SPAG16: variants seen among roughly 807,000 people sequenced by gnomAD.
SPAG16 encodes sperm-associated antigen 16 protein.
A neutral mutation model predicts 80.4 loss-of-function variants in SPAG16; 86 were observed. That is an observed-to-expected ratio of 1.07 (90% confidence interval 0.90 to 1.28). The LOEUF is 1.28. SPAG16 is among the 50% of genes most tolerant of loss of function. SPAG16 has a pLI of 0.00. For missense variants in SPAG16, 870 were observed against 765.3 expected, an observed-to-expected ratio of 1.14 and a Z score of -1.61; for synonymous variants, 294 against 265.9, an observed-to-expected ratio of 1.11 and a Z score of -1.03.
chr2:213,500,351 C>G (rs1440568497), intron 10 of SPAG16, among the ~76,000 whole-genome samples: 1 of 152,062 alleles, frequency 6.6e-6, no homozygotes, highest in Non-Finnish European at 1.5e-5. Context: ...AATCTCCTCC[C>G]TTTTTCAATA....
At chr2:214,405,641 C>CA (rs1196895128) in intron 15 of SPAG16, among the ~76,000 whole-genome samples, 3 of 151,950 alleles carry the variant, frequency 2.0e-5, no homozygotes, top group Admixed American at 6.6e-5. Flanking sequence ...ACTAAAAATA[C>CA]AAAAAATTAG....
intron 12 of SPAG16, among the ~76,000 whole-genome samples, chr2:213,990,996 A>T (rs1000007459): frequency 2.7e-5 from 4 of 150,806 alleles, no homozygotes; most frequent in Non-Finnish European, 4.4e-5. Flanking sequence ...AAATCCACTT[A>T]TTTTTTTTTC....
chr2:214,248,017 C>T (rs1357441550), intron 15 of SPAG16, among the ~76,000 whole-genome samples: 1 of 151,710 alleles, frequency 6.6e-6, no homozygotes, highest in Admixed American at 6.6e-5. Context: ...AACAGCAAGT[C>T]CGTGTCTCAA....
intron 15 of SPAG16, among the ~76,000 whole-genome samples, chr2:214,203,936 A>G (rs77537682): frequency 1.3e-5 from 2 of 152,050 alleles, no homozygotes; most frequent in South Asian, 4.1e-4. Flanking sequence ...TGTTGGAGCA[A>G]GTTCTCAGCT....
intron 10 of SPAG16, among the ~76,000 whole-genome samples, chr2:213,718,550 G>A (rs1210061225): frequency 2.0e-5 from 3 of 152,208 alleles, no homozygotes; most frequent in Non-Finnish European, 2.9e-5. Context: ...CTGGAGTTCC[G>A]GGTGGGCGTG....
At chr2:214,078,374 G>T (rs913131305) in intron 13 of SPAG16, among the ~76,000 whole-genome samples, 2 of 151,908 alleles carry the variant, frequency 1.3e-5, no homozygotes, top group Non-Finnish European at 2.9e-5. Flanking sequence ...ACAACATAGT[G>T]AAACCCCATA....
At chr2:213,747,492 GT>G (rs2067880216) in intron 10 of SPAG16, among the ~76,000 whole-genome samples, 1 of 152,168 alleles carries the variant, frequency 6.6e-6, no homozygotes, top group African/African-American at 2.4e-5. Flanking sequence ...TTGCAGTCCT[GT>G]AGGCACCATT....
intron 12 of SPAG16, among the ~76,000 whole-genome samples, chr2:213,999,787 G>A (rs1356702178): frequency 6.6e-6 from 1 of 152,234 alleles, no homozygotes; most frequent in Non-Finnish European, 1.5e-5. Flanking sequence ...ACCTGGATGT[G>A]AGACTTGGAG....
chr2:213,815,462 T>G (rs2125678698), intron 10 of SPAG16, among the ~76,000 whole-genome samples: 1 of 152,322 alleles, frequency 6.6e-6, no homozygotes, highest in East Asian at 1.9e-4. Flanking sequence ...TGAATTTTGT[T>G]CAGGTAAATT....
At chr2:213,470,598 G>T (rs2073024568) in intron 9 of SPAG16, among the ~76,000 whole-genome samples, 1 of 152,144 alleles carries the variant, frequency 6.6e-6, no homozygotes, top group South Asian at 2.1e-4. Flanking sequence ...GGCAAATTGG[G>T]CACTCAGCAG....
At chr2:214,208,991 A>G (rs72944062) in intron 15 of SPAG16, among the ~76,000 whole-genome samples, 1 of 151,950 alleles carries the variant, frequency 6.6e-6, no homozygotes, top group South Asian at 2.1e-4. Context: ...CTTGAACCCA[A>G]TTGCTCTGTT....
At chr2:213,932,365 GCCA>G (rs562364018) in intron 12 of SPAG16, among the ~76,000 whole-genome samples, 21 of 151,414 alleles carry the variant, frequency 1.4e-4, no homozygotes, top group Non-Finnish European at 2.8e-4. Flanking sequence ...ATAGGCACGT[GCCA>G]CCACACCTGG....
At chr2:213,959,718 A>G (rs1019966699) in intron 12 of SPAG16, among the ~76,000 whole-genome samples, 1 of 152,082 alleles carries the variant, frequency 6.6e-6, no homozygotes, top group South Asian at 2.1e-4. Context: ...TCAGCCTCCC[A>G]TCAGTACCTG....
At chr2:213,335,567 CTTATG>C (rs753688096) in intron 5 of SPAG16, among the ~76,000 whole-genome samples, 6 of 143,852 alleles carry the variant, frequency 4.2e-5, no homozygotes, top group Non-Finnish European at 8.0e-5. Flanking sequence ...ATGTTGTCAG[CTTATG>C]TTATTTGTCA....
chr2:213,986,383 T>G (rs895730905), intron 12 of SPAG16, among the ~76,000 whole-genome samples: 7 of 152,070 alleles, frequency 4.6e-5, no homozygotes. Flanking sequence ...AACTATTCAA[T>G]TCTCTCTTAT....
Position 214,284,230 on chromosome 2 carries a change from T to C in SPAG16, c.1721-125910T>C, listed in dbSNP as rs573235219. Among the ~76,000 whole-genome samples the C allele has an allele frequency of 5.3e-5, 8 of 152,344 alleles. No homozygotes were observed. The South Asian group carries it at 1.7e-3, about 32-fold the overall frequency. On this transcript the variant is annotated intron_variant, in intron 15 of 15. Coordinates refer to ENST00000331683, the MANE Select transcript of SPAG16 (RefSeq NM_024532.5). ...TATCTTCTAGGTCACTAACAAGGGC[T>C]GATTATTTTATGTCAGTCATATTGC... is the stretch of plus-strand genomic sequence containing the variant.
intron 10 of SPAG16, among the ~76,000 whole-genome samples, chr2:213,605,826 T>C (rs921910058): frequency 2.0e-5 from 3 of 152,170 alleles, no homozygotes; most frequent in African/African-American, 7.2e-5. Context: ...TAGGGCATAA[T>C]TTACATATAC....
intron 10 of SPAG16, among the ~76,000 whole-genome samples, chr2:213,847,678 T>A (rs1247898475): frequency 6.6e-6 from 1 of 152,146 alleles, no homozygotes; most frequent in Non-Finnish European, 1.5e-5. Flanking sequence ...AACCATTTGA[T>A]TCTTGTGCAT....
chr2:214,109,614 T>C (rs1170737024), intron 14 of SPAG16, among the ~76,000 whole-genome samples: 1 of 152,220 alleles, frequency 6.6e-6, no homozygotes, highest in African/African-American at 2.4e-5. Context: ...GGAATGTTGA[T>C]TGCTCCAATT....
Sources: gnomAD v4.1 joint callset for allele counts (sites outside exome capture counted in the v4.1 genomes callset) on GRCh38, gnomAD v4.1.1 for gene constraint, MANE v1.5 for transcripts, NCBI Gene and HGNC (gene_info 2026-07-23, HGNC 2026-07-21) for gene names.